Variants in BPNT2 observed in about 807,000 individuals in gnomAD.
BPNT2 encodes the protein Golgi-resident adenosine 3',5'-bisphosphate 3'-phosphatase.
BPNT2 carries 11 observed loss-of-function variants against 29.3 expected under a neutral mutation model. That is an observed-to-expected ratio of 0.38 (90% confidence interval 0.24 to 0.62). The LOEUF is 0.62. BPNT2 is among the 20% of genes least tolerant of loss of function. BPNT2 has a pLI of 0.62. For synonymous variants in BPNT2, 195 were observed against 187.7 expected (o/e 1.04, Z -0.32); for missense variants, 459 against 473.4 (o/e 0.97, Z 0.28).
intron 1 of BPNT2, among the ~76,000 whole-genome samples, chr8:56,990,739 G>A (rs994671433): frequency 6.6e-6 from 1 of 151,932 alleles, no homozygotes; most frequent in African/African-American, 2.4e-5. Flanking sequence ...AATGTCTTCC[G>A]ACGTTGTCAA....
In BPNT2 at chr8:56,960,340, C is replaced by G. The variant is rs1805811900; in HGVS notation, c.*3453G>C. The G allele has an allele frequency of 2.6e-5, 4 of 152,164 alleles. No individual in the cohort carries two copies. The highest frequency in any genetic ancestry group is 2.6e-4 in the Admixed American group (4 of 15,266). 9.4% of individuals were successfully genotyped at this position (152,164 alleles called of 1,614,324 possible). Reference sequence around the variant, plus strand: ...GTGACCAGGGTAGATGTCTGCTTTGCATCCTCCCTGTTACCCTTCTCCTGA... The same window carrying G: ...GTGACCAGGGTAGATGTCTGCTTTGGATCCTCCCTGTTACCCTTCTCCTGA... On this transcript the variant is annotated 3_prime_UTR_variant, in exon 5 of 5. Coordinates refer to ENST00000262644, the MANE Select transcript of BPNT2 (RefSeq NM_017813.5).
chr8:56,963,722 C>A lies in BPNT2; in HGVS notation c.*71G>T. ...TTAACCATGCATAGTCTCCACCAATCCTTTGAAGCTTCCAGCATCTCAGGC... is the reference window on the plus strand; with the variant it reads ...TTAACCATGCATAGTCTCCACCAATACTTTGAAGCTTCCAGCATCTCAGGC... On this transcript the variant is annotated 3_prime_UTR_variant, in exon 5 of 5. Coordinates refer to ENST00000262644, the MANE Select transcript of BPNT2 (RefSeq NM_017813.5). 3 of 1,564,796 alleles carry A rather than the reference C, an allele frequency of 1.9e-6. No individual in the cohort carries two copies. Among genetic ancestry groups the A allele is most frequent in the Non-Finnish European group, 2.6e-6 (3 of 1,137,422 alleles).
intron 4 of BPNT2, among the ~76,000 whole-genome samples, chr8:56,964,846 A>G (rs1805913704): frequency 6.6e-6 from 1 of 152,208 alleles, no homozygotes; most frequent in East Asian, 1.9e-4. Flanking sequence ...TTTAAAAACT[A>G]AAGTAATAAA....
chr8:56,990,449 A>G (rs970353301), intron 1 of BPNT2, among the ~76,000 whole-genome samples: 1 of 152,152 alleles, frequency 6.6e-6, no homozygotes, highest in African/African-American at 2.4e-5. Flanking sequence ...AAGCATTGCC[A>G]AAGTGTTTAG....
intron 1 of BPNT2, among the ~76,000 whole-genome samples, chr8:56,990,365 T>C (rs1806398658): frequency 6.6e-6 from 1 of 152,218 alleles, no homozygotes; most frequent in Non-Finnish European, 1.5e-5. Flanking sequence ...TTCATTTTCA[T>C]TGTTACCTGC....
intron 1 of BPNT2, among the ~76,000 whole-genome samples, chr8:56,983,458 G>C (rs1585566074): frequency 6.6e-6 from 1 of 152,126 alleles, no homozygotes; most frequent in Non-Finnish European, 1.5e-5. Flanking sequence ...AGTGAGCCAA[G>C]GAGAAAGGCT....
In BPNT2 at chr8:56,980,136, A is replaced by G; in HGVS notation, c.449T>C (p.Ile150Thr). The G allele has an allele frequency of 1.2e-6, 2 of 1,613,752 alleles. No individual in the cohort carries two copies. The highest frequency in any genetic ancestry group is 1.7e-6 in the Non-Finnish European group (2 of 1,179,694). Residue 150 changes from isoleucine to threonine, a missense_variant, in exon 2 of 5, where the codon ATT (isoleucine) becomes ACT (threonine). Coordinates refer to ENST00000262644, the MANE Select transcript of BPNT2 (RefSeq NM_017813.5). ...DQEVILWDHK[I>T]PEDILKEVTT... ...TACTTCCTTTAGGATATCCTCAGGA[A>G]TCTTATGATCCCACAAGATAACCTC...
Position 56,993,207 on chromosome 8 carries a change from T to TG in BPNT2, c.378dup (p.Ser127GlnfsTer5). The TG allele has an allele frequency of 6.2e-7, 1 of 1,600,246 alleles. No individual in the cohort carries two copies. Among genetic ancestry groups the TG allele is most frequent in the Non-Finnish European group, 8.5e-7 (1 of 1,179,128 alleles). ...CGCCCGTGGGCTCCCACCTGGACGC[T>TG]GGGGAAGGCGGTCTTGAGCAGGTAG... On this transcript the variant is annotated frameshift_variant, in exon 1 of 5. Transcript: ENST00000262644. LOFTEE classifies it high-confidence loss of function.
At chr8:56,993,149 CCG>C in intron 1 of BPNT2, 48 bp downstream of exon 1, 1 of 1,563,148 alleles carries the variant, frequency 6.4e-7, no homozygotes, top group Non-Finnish European at 8.6e-7. Flanking sequence ...AGTCGACGGG[CCG>C]AGACGCGCTA....
At chr8:56,991,608 T>C (rs1453496001) in intron 1 of BPNT2, among the ~76,000 whole-genome samples, 1 of 152,216 alleles carries the variant, frequency 6.6e-6, no homozygotes, top group Non-Finnish European at 1.5e-5. Flanking sequence ...TAAGCTGGAG[T>C]GTCACGAGCC....
chr8:56,967,074 C>A (rs1805964680), intron 3 of BPNT2: 2 of 430,928 alleles, frequency 4.6e-6, no homozygotes, highest in Non-Finnish European at 9.4e-6. Flanking sequence ...AAGTTTTCTT[C>A]ACTGACTATA....
At chr8:56,972,094 G>GA (rs953725281) in intron 3 of BPNT2, among the ~76,000 whole-genome samples, 68 of 140,798 alleles carry the variant, frequency 4.8e-4, no homozygotes, top group African/African-American at 9.1e-4. Context: ...TCAAAAAAAA[G>GA]AAAAAAAAAA....
chr8:56,975,166 G>A (rs997212015), intron 3 of BPNT2, among the ~76,000 whole-genome samples: 7 of 152,052 alleles, frequency 4.6e-5, no homozygotes, highest in Admixed American at 3.3e-4. Context: ...ACTGAGAACC[G>A]TGGTAAATGA....
At chr8:56,972,767 C>A (rs1214777619) in intron 3 of BPNT2, among the ~76,000 whole-genome samples, 1 of 151,346 alleles carries the variant, frequency 6.6e-6, no homozygotes, top group East Asian at 1.9e-4. Context: ...AGGCAGCAGA[C>A]AAGTCCCCAG....
At chr8:56,976,042 A>G (rs185528664) in intron 3 of BPNT2, among the ~76,000 whole-genome samples, 1 of 152,294 alleles carries the variant, frequency 6.6e-6, no homozygotes, top group East Asian at 1.9e-4. Flanking sequence ...GAAAATAAGG[A>G]CTACATTTTT....
intron 1 of BPNT2, among the ~76,000 whole-genome samples, chr8:56,984,400 T>C (rs1248742954): frequency 6.6e-6 from 1 of 152,218 alleles, no homozygotes; most frequent in African/African-American, 2.4e-5. Flanking sequence ...ATAGTTGCTA[T>C]GGTCAACACC....
rs1392857079 is a variant in BPNT2, at chr8:56,993,499, C to T, written c.87G>A (p.Ser29=). 2 of 1,500,472 alleles carry T rather than the reference C, an allele frequency of 1.3e-6. No individual in the cohort carries two copies. Among genetic ancestry groups the T allele is most frequent in the Non-Finnish European group, 1.8e-6 (2 of 1,125,252 alleles). The allele number at this position is 1,500,472 out of a possible 1,614,324, so 92.9% of individuals were successfully genotyped here. A position where few individuals can be genotyped will look rare whatever the true frequency, so the allele number is the denominator to read the frequency against. The change falls in exon 1 of 5, where the codon TCG becomes TCA. Residue 29 remains serine (S), a synonymous_variant. Coordinates refer to ENST00000262644, the MANE Select transcript of BPNT2 (RefSeq NM_017813.5). ...GGCTGAAGCGGCCGGCCAAGAAGCCCGAGTAGAGGTGGTAGAGCACGCCGA... is the reference window on the plus strand; with the variant it reads ...GGCTGAAGCGGCCGGCCAAGAAGCCTGAGTAGAGGTGGTAGAGCACGCCGA... The part of the protein sequence containing the change: ...LGLGVLYHLY[S]GFLAGRFSLF...
chr8:56,986,683 G>C (rs1220789622), intron 1 of BPNT2, among the ~76,000 whole-genome samples: 2 of 152,256 alleles, frequency 1.3e-5, no homozygotes, highest in East Asian at 3.9e-4. Flanking sequence ...AATGTAGTCA[G>C]AACACTAACA....
At chr8:56,969,619 T>C (rs1194003215) in intron 3 of BPNT2, among the ~76,000 whole-genome samples, 1 of 151,798 alleles carries the variant, frequency 6.6e-6, no homozygotes, top group Non-Finnish European at 1.5e-5. Context: ...GAAATGATGG[T>C]CAAGGATGAA....
Sources: gnomAD v4.1 joint callset for allele counts (sites outside exome capture counted in the v4.1 genomes callset) on GRCh38, gnomAD v4.1.1 for gene constraint, MANE v1.5 for transcripts, NCBI Gene and HGNC (gene_info 2026-07-23, HGNC 2026-07-21) for gene names.